Variants in KIAA0753 observed in about 807,000 individuals in gnomAD.
The protein encoded by KIAA0753 is protein moonraker.
A neutral mutation model predicts 116.9 loss-of-function variants in KIAA0753; 114 were observed. That is an observed-to-expected ratio of 0.98 (90% CI 0.84 to 1.14). KIAA0753 has a LOEUF of 1.14. KIAA0753 is among the 50% of genes most tolerant of loss of function. The probability of loss-of-function intolerance (pLI) is 0.00; values close to 1 mark genes in which losing one functional copy is unlikely to be tolerated. For synonymous variants in KIAA0753, 405 were observed against 413.1 expected, an observed-to-expected ratio of 0.98 and a Z score of 0.24; for missense variants, 1,156 against 1,172.4, an observed-to-expected ratio of 0.99 and a Z score of 0.20.
intron 12 of KIAA0753, 95 bp downstream of exon 12, chr17:6,606,778 G>A (rs1490323718): frequency 2.3e-6 from 2 of 856,408 alleles, no homozygotes; most frequent in Non-Finnish European, 3.9e-6. Flanking sequence ...ATGTAATGAA[G>A]TTAGGCCTTA....
In KIAA0753 at chr17:6,612,107, A is replaced by G; in HGVS notation, c.1357T>C (p.Leu453=). 1 of 1,614,126 alleles carries G rather than the reference A, an allele frequency of 6.2e-7. No individual in the cohort carries two copies. Residue 453 remains leucine (L), a synonymous_variant, in exon 8 of 19, where the codon TTG becomes CTG. Coordinates refer to ENST00000361413, the MANE Select transcript of KIAA0753 (RefSeq NM_014804.3). ...PDTELPETQR[L]QSELDVLDAD... ...TCTAATACATCAAGCTCACTCTGCA[A>G]CCTCTGGGTCTCCGGAAGCTCCGTA...
At chr17:6,580,770 C>T (rs1382385677) in intron 18 of KIAA0753, among the ~76,000 whole-genome samples, 1 of 152,054 alleles carries the variant, frequency 6.6e-6, no homozygotes, top group African/African-American at 2.4e-5. Context: ...CAGAGGCGAC[C>T]AGAAACTAAC....
At chr17:6,594,749 G>C (rs1404625056) in intron 16 of KIAA0753, among the ~76,000 whole-genome samples, 2 of 152,168 alleles carry the variant, frequency 1.3e-5, no homozygotes, top group Non-Finnish European at 2.9e-5. Context: ...TGAATATTTA[G>C]GGGTAAAGTG....
intron 17 of KIAA0753, 37 bp downstream of exon 17, chr17:6,590,473 G>C (rs1371482772): frequency 1.2e-6 from 2 of 1,611,046 alleles, no homozygotes; most frequent in African/African-American, 1.3e-5. Flanking sequence ...AAAGGTGACT[G>C]ACTAGAATGA....
intron 2 of KIAA0753, 58 bp from the exon 3 acceptor site, chr17:6,628,799 G>A: frequency 6.7e-7 from 1 of 1,489,572 alleles, no homozygotes; most frequent in Non-Finnish European, 9.0e-7. Flanking sequence ...TGCACAGTTG[G>A]TATATGTCTA....
At chr17:6,601,949 A>T (rs1373704565) in intron 12 of KIAA0753, among the ~76,000 whole-genome samples, 1 of 152,190 alleles carries the variant, frequency 6.6e-6, no homozygotes, top group African/African-American at 2.4e-5. Context: ...AAAGAACTCA[A>T]ATCAACACTT....
intron 1 of KIAA0753, 45 bp from the exon 2 acceptor site, chr17:6,635,216 G>A: frequency 1.3e-6 from 1 of 752,812 alleles, no homozygotes; most frequent in South Asian, 1.6e-5. Flanking sequence ...GTTGAACAAG[G>A]GAAAAGAACA....
intron 6 of KIAA0753, among the ~76,000 whole-genome samples, chr17:6,621,720 T>TA (rs1971341231): frequency 1.3e-5 from 2 of 152,226 alleles, no homozygotes; most frequent in Admixed American, 1.3e-4. Context: ...AAGGTACTCT[T>TA]ACTCAAGCTC....
rs1333807321 is a variant in KIAA0753, at chr17:6,610,512, T to TTC, written c.1546-354_1546-353dup. Among the ~76,000 whole-genome samples, 76 of 131,952 alleles carry TTC rather than the reference T, an allele frequency of 5.8e-4. No homozygotes were observed. In the South Asian group the frequency reaches 0.018, roughly 31 times the overall value. 86.6% of individuals were successfully genotyped at this position (131,952 alleles called of 152,430 possible). A position where few individuals can be genotyped will look rare whatever the true frequency, so the allele number is the denominator to read the frequency against. On this transcript the variant is annotated intron_variant, in intron 8 of 18. Transcript: ENST00000361413. The stretch of plus-strand genomic sequence containing the variant: ...AAATTATTTTTCTTTTTTCTTTTCT[T>TTC]TCTCTTTTTTTTTTTTTTTTTTTTA...
At chr17:6,593,834 G>A (rs1047772803) in intron 16 of KIAA0753, among the ~76,000 whole-genome samples, 14 of 152,302 alleles carry the variant, frequency 9.2e-5, no homozygotes, top group Non-Finnish European at 1.5e-4. Context: ...GTGGTGAGCC[G>A]AGACTGCACC....
At chr17:6,591,109 A>AG (rs1432661258) in intron 16 of KIAA0753, among the ~76,000 whole-genome samples, 4 of 150,442 alleles carry the variant, frequency 2.7e-5, no homozygotes, top group African/African-American at 4.9e-5. Flanking sequence ...AAGAAGAAGA[A>AG]AACACTCACA....
intron 7 of KIAA0753, among the ~76,000 whole-genome samples, chr17:6,620,142 T>C (rs1174825838): frequency 6.6e-6 from 1 of 152,048 alleles, no homozygotes; most frequent in Non-Finnish European, 1.5e-5. Flanking sequence ...CTAAGGAGCA[T>C]GTGAAGAAAC....
chr17:6,614,325 T>C (rs2309595), intron 7 of KIAA0753, among the ~76,000 whole-genome samples: 94,178 of 151,984 alleles, frequency 0.62, 29,481 homozygotes, highest in East Asian at 0.72. Context: ...CAGATATTCA[T>C]TTCACTTCAT....
At chr17:6,584,966 T>A (rs1378630677) in intron 18 of KIAA0753, among the ~76,000 whole-genome samples, 1 of 152,048 alleles carries the variant, frequency 6.6e-6, no homozygotes, top group Non-Finnish European at 1.5e-5. Context: ...CATGCCCAGC[T>A]AATTTTTTGT....
intron 3 of KIAA0753, among the ~76,000 whole-genome samples, chr17:6,627,104 G>A (rs1173026530): frequency 6.6e-6 from 1 of 152,196 alleles, no homozygotes; most frequent in Non-Finnish European, 1.5e-5. Context: ...GCCTTAATAT[G>A]TGGAATAATT....
intron 4 of KIAA0753, 142 bp downstream of exon 4, chr17:6,624,613 A>T: frequency 1.7e-6 from 1 of 587,296 alleles, no homozygotes; most frequent in Non-Finnish European, 3.1e-6. Context: ...CCATGTGTTC[A>T]GGTAATTGAG....
At chr17:6,619,344 T>C (rs1158421967) in intron 7 of KIAA0753, among the ~76,000 whole-genome samples, 2 of 152,220 alleles carry the variant, frequency 1.3e-5, no homozygotes, top group African/African-American at 4.8e-5. Flanking sequence ...TTGACCTGGA[T>C]AGTAGTTATA....
intron 2 of KIAA0753, among the ~76,000 whole-genome samples, chr17:6,633,884 A>T (rs905966769): frequency 6.6e-6 from 1 of 151,998 alleles, no homozygotes; most frequent in African/African-American, 2.4e-5. Context: ...GGAGGGGAGG[A>T]GTGGGGGTTA....
In KIAA0753 at chr17:6,611,988, C is replaced by G; in HGVS notation, c.1476G>C (p.Gly492=). The G allele has an allele frequency of 6.2e-7, 1 of 1,614,126 alleles. No individual in the cohort carries two copies. The highest frequency in any genetic ancestry group is 8.5e-7 in the Non-Finnish European group (1 of 1,180,016). ...CATTCTCAGTCACAGGCTTCTTTTT[C>G]CCTGCTTTTGTTTTTGCCACGGCTA... ...EVLAVAKTKA[G]KKKPVTENVP... is the part of the protein sequence containing the mutation. Residue 492 remains glycine (G), a synonymous_variant, in exon 8 of 19, where the codon GGG becomes GGC. Coordinates refer to ENST00000361413, the MANE Select transcript of KIAA0753 (RefSeq NM_014804.3).
Sources: gnomAD v4.1 joint callset for allele counts (sites outside exome capture counted in the v4.1 genomes callset) on GRCh38, gnomAD v4.1.1 for gene constraint, MANE v1.5 for transcripts, NCBI Gene and HGNC (gene_info 2026-07-23, HGNC 2026-07-21) for gene names.